Variants in DIAPH1 observed in about 807,000 individuals in gnomAD.
The protein encoded by DIAPH1 is protein diaphanous homolog 1.
A neutral mutation model predicts 140.7 loss-of-function variants in DIAPH1; 46 were observed. That is an observed-to-expected ratio of 0.33 (90% CI 0.26 to 0.42). DIAPH1 has a LOEUF of 0.42. DIAPH1 is among the 10% of genes least tolerant of loss of function. The pLI is 1.00. For synonymous variants in DIAPH1, 565 were observed against 551.6 expected, an observed-to-expected ratio of 1.02 and a Z score of -0.34; for missense variants, 1,310 against 1,558.7, an observed-to-expected ratio of 0.84 and a Z score of 2.69.
intron 18 of DIAPH1, chr5:141,560,581 A>G (rs1001557693): frequency 2.4e-5 from 4 of 168,020 alleles, no homozygotes; most frequent in African/African-American, 9.6e-5. Flanking sequence ...ATCTGACATT[A>G]AATAGGTATT....
chr5:141,591,293 C>T (rs1279555176), intron 1 of DIAPH1, among the ~76,000 whole-genome samples: 1 of 152,020 alleles, frequency 6.6e-6, no homozygotes, highest in Admixed American at 6.5e-5. Context: ...AGGCACTTGC[C>T]TGTCTCACAG....
Position 141,574,027 on chromosome 5 carries a change from G to A in DIAPH1, c.1823C>T (p.Pro608Leu). 3.8e-6 allele frequency: 6 copies of A among 1,571,066 alleles called. No individual in the cohort carries two copies. Among genetic ancestry groups the A allele is most frequent in the Non-Finnish European group, 5.2e-6 (6 of 1,158,220 alleles). Residue 608 changes from proline to leucine, a missense_variant, in exon 16 of 28, where the codon CCT becomes CTT. Transcript: ENST00000389054. ...PPPAPGDSTT[P>L]PPPPPPPPPP... ...AGGAGGAGGAGGAGGAGGAGGAGGA[G>A]GAGTGGTACTATCCCCAGGAGCAGG...
At chr5:141,600,993 C>T (rs377148579) in intron 1 of DIAPH1, among the ~76,000 whole-genome samples, 15 of 152,080 alleles carry the variant, frequency 9.9e-5, no homozygotes, top group African/African-American at 3.6e-4. Context: ...AACCAAACAC[C>T]GCATGTTCTC....
At position 141,577,987 on chromosome 5, in the gene DIAPH1, T is replaced by G. The variant is rs1167779128; in HGVS notation, c.1163+238A>C. 7 of 591,876 alleles carry G rather than the reference T, an allele frequency of 1.2e-5. No individual in the cohort carries two copies. In the African/African-American group the frequency reaches 1.3e-4, roughly 11 times the overall value. 36.7% of individuals were successfully genotyped at this position (591,876 alleles called of 1,614,324 possible). ...CTATCACATTCTAGGAAGTTTACAC[T>G]GATTTTGATGGCTTCCATGCTCAAC... On this transcript the variant is annotated intron_variant, in intron 11 of 27. Transcript: ENST00000389054.
chr5:141,552,282 T>A (rs2099891816), intron 18 of DIAPH1, among the ~76,000 whole-genome samples: 1 of 152,002 alleles, frequency 6.6e-6, no homozygotes, highest in Non-Finnish European at 1.5e-5. Context: ...CTTAAATTCC[T>A]GGGCTCAAGC....
At position 141,576,297 on chromosome 5, in the gene DIAPH1, G is replaced by A. The variant is rs2154596393; in HGVS notation, c.1397-3C>T. The A allele has an allele frequency of 6.2e-7, 1 of 1,612,092 alleles. No individual in the cohort carries two copies. Among genetic ancestry groups the A allele is most frequent in the African/African-American group, 1.3e-5 (1 of 75,008 alleles). On this transcript the variant is annotated splice_polypyrimidine_tract_variant and splice_region_variant and intron_variant, in intron 13 of 27. Coordinates refer to ENST00000389054, the MANE Select transcript of DIAPH1 (RefSeq NM_005219.5). ...CTTTGTCTTATCAATCATTTGATCTGAAAAGAAGAAGAGTCAGTAAGTAAA... is the reference window on the plus strand; with the variant it reads ...CTTTGTCTTATCAATCATTTGATCTAAAAAGAAGAAGAGTCAGTAAGTAAA...
At chr5:141,584,372 T>C (rs1271299177) in intron 3 of DIAPH1, 147 bp from the exon 4 acceptor site, 1 of 636,098 alleles carries the variant, frequency 1.6e-6, no homozygotes, top group Non-Finnish European at 2.8e-6. Flanking sequence ...AAATTTAAGC[T>C]ATTACAGCTG....
chr5:141,598,519 C>T (rs1360780720), intron 1 of DIAPH1, among the ~76,000 whole-genome samples: 1 of 152,148 alleles, frequency 6.6e-6, no homozygotes, highest in Non-Finnish European at 1.5e-5. Context: ...TTCTTCTCTG[C>T]ACTAAGACCA....
At chr5:141,570,428 G>A (rs1478757816) in intron 18 of DIAPH1, among the ~76,000 whole-genome samples, 1 of 152,072 alleles carries the variant, frequency 6.6e-6, no homozygotes, top group African/African-American at 2.4e-5. Context: ...TTTTCTTAGA[G>A]GAAAAGGCCA....
rs150991762 is a variant in DIAPH1, at chr5:141,587,560, T to C, written c.145-363A>G. 5.0e-3 allele frequency: 1,397 copies of C among 281,118 alleles called. 4 individuals carry two copies. Among genetic ancestry groups the C allele is most frequent in the Non-Finnish European group, 7.4e-3 (1,086 of 145,912 alleles). The allele number at this position is 281,118 out of a possible 1,614,324, so 17.4% of individuals were successfully genotyped here. A position where few individuals can be genotyped will look rare whatever the true frequency, so the allele number is the denominator to read the frequency against. Reference sequence around the variant, plus strand: ...CAATAAAATGCCCTTTGTTTCCTTCTAGCTACCCAACAATAAATGTTGCTA... The same window carrying C: ...CAATAAAATGCCCTTTGTTTCCTTCCAGCTACCCAACAATAAATGTTGCTA... On this transcript the variant is annotated intron_variant, in intron 2 of 27. Coordinates refer to ENST00000389054, the MANE Select transcript of DIAPH1 (RefSeq NM_005219.5).
At chr5:141,524,462 C>CT in intron 26 of DIAPH1, 1 of 563,516 alleles carries the variant, frequency 1.8e-6, no homozygotes, top group Admixed American at 2.8e-5. Flanking sequence ...CAATGCAGAC[C>CT]TTGGGATATT....
chr5:141,580,308 C>T (rs933262705), intron 8 of DIAPH1, among the ~76,000 whole-genome samples: 1 of 152,144 alleles, frequency 6.6e-6, no homozygotes, highest in Non-Finnish European at 1.5e-5. Context: ...GCTTAGGAAA[C>T]GTTCTATGAG....
In DIAPH1 at chr5:141,607,256, TAGACTC is replaced by T. The variant is rs372020694; in HGVS notation, c.117+11536_117+11541del. On this transcript the variant is annotated intron_variant, in intron 1 of 27. Coordinates refer to ENST00000389054, the MANE Select transcript of DIAPH1 (RefSeq NM_005219.5). ...TAGAAGAAACAACAGGGCCCAAAGA[TAGACTC>T]AGATTGTTTCAACAATGGCATTACC... 7.7e-3 allele frequency among the ~76,000 whole-genome samples: 1,162 copies of T among 151,852 alleles called. 19 individuals carry two copies. Among genetic ancestry groups the T allele is most frequent in the African/African-American group, 0.027 (1,105 of 41,470 alleles).
chr5:141,567,883 A>G (rs1211984269), intron 18 of DIAPH1, among the ~76,000 whole-genome samples: 1 of 152,216 alleles, frequency 6.6e-6, no homozygotes, highest in Non-Finnish European at 1.5e-5. Flanking sequence ...CACACAGTCA[A>G]ATGCTAACTA....
chr5:141,612,403 A>T (rs1596414472), intron 1 of DIAPH1, among the ~76,000 whole-genome samples: 1 of 152,386 alleles, frequency 6.6e-6, no homozygotes, highest in East Asian at 1.9e-4. Flanking sequence ...GAACACCCCA[A>T]ATGTCCATCA....
intron 1 of DIAPH1, among the ~76,000 whole-genome samples, chr5:141,594,634 T>C (rs1309634379): frequency 1.3e-5 from 2 of 151,798 alleles, no homozygotes; most frequent in African/African-American, 2.4e-5. Context: ...TCCCAGCTAC[T>C]TGGGAGGCTG....
intron 18 of DIAPH1, among the ~76,000 whole-genome samples, chr5:141,541,452 C>CCTT (rs748620812): frequency 1.3e-5 from 2 of 152,124 alleles, no homozygotes; most frequent in Middle Eastern, 3.4e-3. Context: ...CTTTGGGAGG[C>CCTT]CAAGGCAGGT....
At chr5:141,542,277 C>CA (rs2099890106) in intron 18 of DIAPH1, among the ~76,000 whole-genome samples, 1 of 151,940 alleles carries the variant, frequency 6.6e-6, no homozygotes, top group African/African-American at 2.4e-5. Context: ...ACTAAAAATA[C>CA]AAAAAATTAG....
At chr5:141,539,964 C>T (rs2099889723) in intron 18 of DIAPH1, among the ~76,000 whole-genome samples, 1 of 149,876 alleles carries the variant, frequency 6.7e-6, no homozygotes. Flanking sequence ...CTTCTGCTTG[C>T]TTTAGATTTA....
Sources: gnomAD v4.1 joint callset for allele counts (sites outside exome capture counted in the v4.1 genomes callset) on GRCh38, gnomAD v4.1.1 for gene constraint, MANE v1.5 for transcripts, NCBI Gene and HGNC (gene_info 2026-07-23, HGNC 2026-07-21) for gene names.